KPNA7: variants seen among roughly 807,000 people sequenced by gnomAD.
KPNA7 encodes karyopherin subunit alpha 7.
A neutral mutation model predicts 53.7 loss-of-function variants in KPNA7; 54 were observed. That is an observed-to-expected ratio of 1.01 (90% CI 0.81 to 1.26). The LOEUF is 1.26. Among genes scored for constraint, KPNA7 ranks in the 50% most tolerant of loss-of-function variants. The pLI, the probability that KPNA7 is intolerant of heterozygous loss-of-function variation, is 0.00. For missense variants in KPNA7, 640 were observed against 644.5 expected (o/e 0.99, Z 0.07); for synonymous variants, 276 against 259.3 (o/e 1.06, Z -0.62).
chr7:99,180,617 A>G (rs1158687448), intron 9 of KPNA7, among the ~76,000 whole-genome samples: 5 of 120,882 alleles, frequency 4.1e-5, no homozygotes, highest in African/African-American at 1.3e-4. Context: ...CTCTCTCCCC[A>G]TCTCTCTCTC....
In KPNA7 at chr7:99,195,266, C is replaced by T. The variant is rs1402728223; in HGVS notation, c.357G>A (p.Val119=). 3.2e-6 allele frequency: 5 copies of T among 1,551,508 alleles called. No homozygotes were observed. Among genetic ancestry groups the T allele is most frequent in the Non-Finnish European group, 4.4e-6 (5 of 1,146,984 alleles). The change falls in exon 5 of 11, where the codon GTG becomes GTA. Residue 119 remains valine, a synonymous_variant. Coordinates refer to ENST00000327442, the MANE Select transcript of KPNA7 (RefSeq NM_001145715.3). Reference sequence around the variant, plus strand: ...GGTAAAGTGATGACTTCAGGAACTCCACCATCCTGGGAATGAGGCCCGCTT... The same window carrying T: ...GGTAAAGTGATGACTTCAGGAACTCTACCATCCTGGGAATGAGGCCCGCTT... ...VIEAGLIPRM[V]EFLKSSLYPC... is the part of the protein sequence containing the mutation.
chr7:99,195,447 G>C (rs941538141), intron 4 of KPNA7, 109 bp from the exon 5 acceptor site: 2 of 1,018,870 alleles, frequency 2.0e-6, no homozygotes, highest in Admixed American at 5.0e-5. Context: ...TCAGCACTTT[G>C]GGAGACCAAG....
At chr7:99,161,909 G>A in the KPNA7 span, among the ~76,000 whole-genome samples, 4 of 152,050 alleles carry the variant, frequency 2.6e-5, no homozygotes, top group Admixed American at 2.6e-4. Context: ...ATGGCTCCAA[G>A]TTATTCTTTT....
At chr7:99,181,561 GTT>G (rs1799274592) in intron 9 of KPNA7, among the ~76,000 whole-genome samples, 1 of 152,180 alleles carries the variant, frequency 6.6e-6, no homozygotes, top group Admixed American at 6.5e-5. Context: ...CTTGGGTTTT[GTT>G]TTGAGACGGA....
At chr7:99,200,977 TA>T (rs745954089) in intron 3 of KPNA7, among the ~76,000 whole-genome samples, 49 of 152,116 alleles carry the variant, frequency 3.2e-4, no homozygotes, top group Non-Finnish European at 5.6e-4. Flanking sequence ...TATAAACAAA[TA>T]AATGGATAAA....
intron 3 of KPNA7, among the ~76,000 whole-genome samples, 190 bp downstream of exon 3, chr7:99,202,916 G>C (rs1270028627): frequency 1.3e-5 from 2 of 152,092 alleles, no homozygotes; most frequent in Non-Finnish European, 1.5e-5. Flanking sequence ...CACAGACTCA[G>C]AGCCATAGGA....
chr7:99,195,370 G>A, intron 4 of KPNA7, 32 bp from the exon 5 acceptor site: 1 of 1,542,414 alleles, frequency 6.5e-7, no homozygotes, highest in Non-Finnish European at 8.8e-7. Flanking sequence ...AGGGGAGGGG[G>A]AGGTCAAGTG....
rs530667055 is a variant in KPNA7 at position 99,202,692 on chromosome 7, A to T, written c.201+414T>A. Among the ~76,000 whole-genome samples the T allele has an allele frequency of 7.2e-5, 11 of 152,104 alleles. 1 individual carries two copies. Among genetic ancestry groups the T allele is most frequent in the Admixed American group, 6.6e-4 (10 of 15,254 alleles). ...AAATCCTGTCTCTATAAAAAAATAA[A>T]AAATTCACCAGGCATGATGGTGAGT... On this transcript the variant is annotated intron_variant, in intron 3 of 10. Transcript: ENST00000327442.
intron 2 of KPNA7, among the ~76,000 whole-genome samples, chr7:99,205,018 C>A (rs1253627510): frequency 6.6e-6 from 1 of 152,078 alleles, no homozygotes; most frequent in Non-Finnish European, 1.5e-5. Flanking sequence ...TTTGGCAGGC[C>A]CTTCCTGTTG....
chr7:99,204,747 T>C (rs1313211571), intron 2 of KPNA7, among the ~76,000 whole-genome samples: 1 of 151,678 alleles, frequency 6.6e-6, no homozygotes, highest in Non-Finnish European at 1.5e-5. Context: ...ATGGTGCTAC[T>C]TGGGAGGCTG....
At chr7:99,202,478 G>C (rs1358310795) in intron 3 of KPNA7, among the ~76,000 whole-genome samples, 1 of 152,130 alleles carries the variant, frequency 6.6e-6, no homozygotes, top group East Asian at 1.9e-4. Flanking sequence ...CCTCTACTGA[G>C]AAATAACCTT....
chr7:99,212,165 A>G (rs1791089401), upstream of KPNA7, among the ~76,000 whole-genome samples: 1 of 151,918 alleles, frequency 6.6e-6, no homozygotes, highest in South Asian at 2.1e-4. Context: ...GAAGAGAACA[A>G]CATTGCAAGA....
chr7:99,217,228 C>T (rs1474994364), intron 1 of KPNA7, among the ~76,000 whole-genome samples: 1 of 152,164 alleles, frequency 6.6e-6, no homozygotes, highest in Non-Finnish European at 1.5e-5. Flanking sequence ...TGTGCCCAGC[C>T]CGGCTGCAGC....
downstream of KPNA7, among the ~76,000 whole-genome samples, chr7:99,168,820 G>C (rs1167256813): frequency 2.0e-5 from 3 of 152,242 alleles, no homozygotes; most frequent in East Asian, 5.8e-4. Flanking sequence ...CTTTGACATG[G>C]AGGCACCGCC....
At chr7:99,177,393 G>T (rs1798944459) in intron 10 of KPNA7, among the ~76,000 whole-genome samples, 1 of 152,020 alleles carries the variant, frequency 6.6e-6, no homozygotes, top group African/African-American at 2.4e-5. Context: ...GACCAGCCTG[G>T]CTAACACAGG....
At chr7:99,186,838 C>T (rs558012096) in intron 7 of KPNA7, among the ~76,000 whole-genome samples, 5 of 152,240 alleles carry the variant, frequency 3.3e-5, no homozygotes, top group Admixed American at 6.5e-5. Context: ...CTGAGAAGTC[C>T]TATGCTAATC....
At chr7:99,168,008 T>C in the KPNA7 span, among the ~76,000 whole-genome samples, 2 of 115,484 alleles carry the variant, frequency 1.7e-5, no homozygotes, top group Admixed American at 2.2e-4. Context: ...CCTCTATCCG[T>C]AGAAAAATTG....
chr7:99,146,721 A>T, the KPNA7 span, among the ~76,000 whole-genome samples: 248 of 7,732 alleles, frequency 0.032, 7 homozygotes, highest in African/African-American at 0.048. Flanking sequence ...TAAAAAAAAA[A>T]AAAAAAAAAA....
chr7:99,151,579 C>A, the KPNA7 span, among the ~76,000 whole-genome samples: 1 of 151,378 alleles, frequency 6.6e-6, no homozygotes, highest in South Asian at 2.1e-4. Flanking sequence ...GGCTCCCAAT[C>A]CTGAGATCAC....
Sources: allele counts gnomAD v4.1 joint callset (sites outside exome capture counted in the v4.1 genomes callset), GRCh38; gene constraint gnomAD v4.1.1; transcripts MANE v1.5; gene names NCBI Gene and HGNC (gene_info 2026-07-23, HGNC 2026-07-21).